Variants in RANBP2 observed in about 807,000 individuals in gnomAD.
The protein encoded by RANBP2 is E3 SUMO-protein ligase RanBP2.
In RANBP2, 57 loss-of-function variants were observed where a neutral mutation model predicts 303.6. That is an observed-to-expected ratio of 0.19 (90% CI 0.15 to 0.23). The LOEUF (loss-of-function observed/expected upper bound fraction) is 0.23, where lower values mean the gene tolerates loss of function less well. Ranked by LOEUF, RANBP2 falls within the 10% of genes least tolerant of loss-of-function variation. The pLI, the probability that RANBP2 is intolerant of heterozygous loss-of-function variation, is 1.00. For synonymous variants in RANBP2, 1,167 were observed against 1,301.5 expected (o/e 0.90, Z 2.23); for missense variants, 3,138 against 3,780.8 (o/e 0.83, Z 4.46).
At chr2:109,374,674 A>G in the RANBP2 span, among the ~76,000 whole-genome samples, 214 of 152,278 alleles carry the variant, frequency 1.4e-3, no homozygotes, top group African/African-American at 5.0e-3. Context: ...GTCACCTCAC[A>G]CTAAGAGGAT....
chr2:109,453,042 A>G, the RANBP2 span, among the ~76,000 whole-genome samples: 2 of 152,108 alleles, frequency 1.3e-5, no homozygotes, highest in African/African-American at 4.8e-5. Flanking sequence ...CTCTGCTGCT[A>G]TATCCAGGGG....
At chr2:108,816,899 A>C in the RANBP2 span, among the ~76,000 whole-genome samples, 1 of 152,136 alleles carries the variant, frequency 6.6e-6, no homozygotes, top group Non-Finnish European at 1.5e-5. Context: ...ACCTGGCTTC[A>C]TTGCACAGAA....
At chr2:108,815,219 A>T in the RANBP2 span, among the ~76,000 whole-genome samples, 4 of 152,140 alleles carry the variant, frequency 2.6e-5, no homozygotes, top group Admixed American at 2.0e-4. Context: ...CATAGTGGAA[A>T]TTCTTTAGCT....
At chr2:109,530,169 T>C in the RANBP2 span, among the ~76,000 whole-genome samples, 3 of 152,142 alleles carry the variant, frequency 2.0e-5, no homozygotes, top group Non-Finnish European at 4.4e-5. Context: ...GCGTTTGCCC[T>C]CAGAGTGGCC....
At chr2:109,170,251 T>TCTCTTCTCTTCTC in the RANBP2 span, among the ~76,000 whole-genome samples, 3 of 15,200 alleles carry the variant, frequency 2.0e-4, no homozygotes, top group Admixed American at 5.2e-4. Flanking sequence ...TCTTTTCTCT[T>TCTCTTCTCTTCTC]CTCTTCTCTT....
the RANBP2 span, among the ~76,000 whole-genome samples, chr2:109,705,845 G>A: frequency 7.9e-5 from 12 of 152,298 alleles, 1 homozygote; most frequent in East Asian, 2.3e-3. Context: ...TTAGGAAATG[G>A]TTATCTAATG....
chr2:108,853,607 A>G, the RANBP2 span, among the ~76,000 whole-genome samples: 16 of 150,646 alleles, frequency 1.1e-4, no homozygotes, highest in African/African-American at 3.9e-4. Flanking sequence ...ACTTACCACA[A>G]CCTTGAACTC....
the RANBP2 span, among the ~76,000 whole-genome samples, chr2:108,795,150 A>ATTTTTTTTTT: frequency 1.2e-4 from 10 of 85,010 alleles, no homozygotes; most frequent in Admixed American, 3.6e-4. Context: ...TCTAAAGTGT[A>ATTTTTTTTTT]TTTTTTTTTT....
At chr2:109,474,491 G>T in the RANBP2 span, among the ~76,000 whole-genome samples, 2 of 152,194 alleles carry the variant, frequency 1.3e-5, no homozygotes, top group Non-Finnish European at 2.9e-5. Flanking sequence ...GATCCCTGGG[G>T]ACAGGCGGCA....
chr2:109,214,968 C>T, the RANBP2 span, among the ~76,000 whole-genome samples: 3 of 152,168 alleles, frequency 2.0e-5, no homozygotes, highest in African/African-American at 4.8e-5. Flanking sequence ...AGGGGCACGT[C>T]GCTGAGCTCA....
intron 1 of RANBP2, among the ~76,000 whole-genome samples, chr2:108,724,682 A>T (rs946557242): frequency 6.6e-6 from 1 of 151,878 alleles, no homozygotes; most frequent in South Asian, 2.1e-4. Flanking sequence ...GAGTTTCTCT[A>T]ATTTTTCTCT....
At chr2:109,632,588 C>A in the RANBP2 span, among the ~76,000 whole-genome samples, 2 of 152,042 alleles carry the variant, frequency 1.3e-5, no homozygotes, top group African/African-American at 2.4e-5. Flanking sequence ...CCAAGGCAGG[C>A]GGATCACAAG....
At chr2:109,493,535 C>T in the RANBP2 span, among the ~76,000 whole-genome samples, 4 of 150,902 alleles carry the variant, frequency 2.7e-5, no homozygotes, top group South Asian at 8.4e-4. Context: ...CATACCCACA[C>T]CCTTCACACA....
At chr2:109,735,008 G>A in the RANBP2 span, among the ~76,000 whole-genome samples, 2 of 151,994 alleles carry the variant, frequency 1.3e-5, no homozygotes, top group Non-Finnish European at 2.9e-5. Flanking sequence ...CTTTGTGGTA[G>A]GAACATTAAA....
At chr2:109,428,011 A>G in the RANBP2 span, among the ~76,000 whole-genome samples, 12 of 152,194 alleles carry the variant, frequency 7.9e-5, no homozygotes, top group Non-Finnish European at 1.5e-4. Context: ...GCCCTTCCAC[A>G]GGACTTACCC....
chr2:108,751,487 T>G (rs1275824998), intron 10 of RANBP2, 41 bp from the exon 11 acceptor site: 15 of 1,611,726 alleles, frequency 9.3e-6, no homozygotes, highest in African/African-American at 2.7e-5. Flanking sequence ...TGAATTTTGT[T>G]TAATTTTTTT....
chr2:108,796,427 G>T, the RANBP2 span, among the ~76,000 whole-genome samples: 12 of 152,082 alleles, frequency 7.9e-5, no homozygotes, highest in South Asian at 2.5e-3. Context: ...CACTTTGGAG[G>T]TTCCTTAAAC....
the RANBP2 span, among the ~76,000 whole-genome samples, chr2:109,240,264 C>T: frequency 6.6e-6 from 1 of 152,114 alleles, no homozygotes; most frequent in African/African-American, 2.4e-5. Flanking sequence ...CTTTGGGAGG[C>T]CCAGGAGGGC....
chr2:108,922,902 G>C, the RANBP2 span, among the ~76,000 whole-genome samples: 4 of 152,200 alleles, frequency 2.6e-5, no homozygotes, highest in African/African-American at 9.7e-5. Flanking sequence ...AAACTCCTGA[G>C]ACTGTTTACA....
Sources: gnomAD v4.1 joint callset for allele counts (sites outside exome capture counted in the v4.1 genomes callset) on GRCh38, gnomAD v4.1.1 for gene constraint, MANE v1.5 for transcripts, NCBI Gene and HGNC (gene_info 2026-07-23, HGNC 2026-07-21) for gene names.